The following COL14A1 variants were observed in gnomAD, a reference collection of about 807,000 sequenced individuals.
COL14A1 encodes collagen alpha-1(XIV) chain.
A neutral mutation model predicts 230.3 loss-of-function variants in COL14A1; 136 were observed. The ratio of observed to expected loss-of-function variants is 0.59; its 90% confidence interval spans 0.51 to 0.68. The LOEUF is 0.68. COL14A1 is among the 30% of genes least tolerant of loss of function. COL14A1 has a pLI of 0.00. For missense variants in COL14A1, 1,976 were observed against 2,215.8 expected (o/e 0.89, Z 2.17); for synonymous variants, 792 against 784.1 (o/e 1.01, Z -0.17).
rs1820580756 is a variant in COL14A1, at chr8:120,298,047, T to C, written c.4314+459T>C. ...ATTCTTAAATGACCAAAATTGCTTA[T>C]TGTTGGGATGTGTGTGCTACCTGAG... On this transcript the variant is annotated intron_variant, in intron 35 of 47. Transcript: ENST00000297848. Among the ~76,000 whole-genome samples, 3 of 152,082 alleles carry C rather than the reference T, an allele frequency of 2.0e-5. No homozygotes were observed. The South Asian group carries it at 6.2e-4, about 31-fold the overall frequency.
Position 120,162,509 on chromosome 8 carries a change from G to A in COL14A1, c.289G>A (p.Val97Ile), listed in dbSNP as rs749126221. ...QGLMPDQNYT[V>I]QIIAYNKDKE... ...CCTTATGCCAGACCAGAATTACACA[G>A]TTCAAATTATTGCATACAATAAAGA... Residue 97 changes from valine (V) to isoleucine (I), a missense_variant, in exon 4 of 48, where the codon GTT becomes ATT. Coordinates refer to ENST00000297848, the MANE Select transcript of COL14A1 (RefSeq NM_021110.4). 1 of 1,612,428 alleles carries A rather than the reference G, an allele frequency of 6.2e-7. No individual in the cohort carries two copies. Among genetic ancestry groups the A allele is most frequent in the South Asian group, 1.1e-5 (1 of 90,604 alleles).
chr8:120,349,020 C>G (rs1157263190), intron 45 of COL14A1, among the ~76,000 whole-genome samples: 1 of 152,140 alleles, frequency 6.6e-6, no homozygotes, highest in Non-Finnish European at 1.5e-5. Flanking sequence ...GTGGTTCTCC[C>G]AGCACGCAGC....
chr8:120,226,023 C>G (rs1231136641), intron 15 of COL14A1, among the ~76,000 whole-genome samples: 1 of 150,798 alleles, frequency 6.6e-6, no homozygotes, highest in Non-Finnish European at 1.5e-5. Context: ...ACTCTGACTT[C>G]AAATAATAAA....
chr8:120,265,297 A>C (rs1819469912), intron 24 of COL14A1, among the ~76,000 whole-genome samples: 1 of 152,142 alleles, frequency 6.6e-6, no homozygotes, highest in African/African-American at 2.4e-5. Flanking sequence ...CATGTTAAAG[A>C]AGATGCACAA....
intron 45 of COL14A1, among the ~76,000 whole-genome samples, chr8:120,346,458 A>C (rs6982921): frequency 2.0e-5 from 3 of 152,030 alleles, no homozygotes; most frequent in African/African-American, 7.2e-5. Flanking sequence ...ACTTTTACCT[A>C]TCTGCTCTGT....
intron 2 of COL14A1, among the ~76,000 whole-genome samples, chr8:120,155,478 A>G (rs1260904709): frequency 6.6e-6 from 1 of 152,190 alleles, no homozygotes; most frequent in African/African-American, 2.4e-5. Flanking sequence ...GAATAGTAGC[A>G]TGGATAGAAA....
intron 4 of COL14A1, among the ~76,000 whole-genome samples, chr8:120,166,031 C>T (rs1355021156): frequency 6.6e-6 from 1 of 152,164 alleles, no homozygotes; most frequent in Admixed American, 6.5e-5. Flanking sequence ...TCTGCATAGT[C>T]CCTGCAGAGA....
Position 120,159,717 on chromosome 8 carries a change from T to C in COL14A1, c.205+1471T>C, listed in dbSNP as rs145384449. ...ATTTTTTAAATTTTTTGAGACTGAG[T>C]TTCGCTCTTTGTTGCCCAGGCTGGA... On this transcript the variant is annotated intron_variant, in intron 3 of 47. Transcript: ENST00000297848. Among the ~76,000 whole-genome samples, 1,505 of 152,182 alleles carry C rather than the reference T, an allele frequency of 9.9e-3. 23 individuals are homozygous for C. Among genetic ancestry groups the C allele is most frequent in the African/African-American group, 0.034 (1,405 of 41,526 alleles).
intron 42 of COL14A1, among the ~76,000 whole-genome samples, chr8:120,340,070 T>C (rs967474097): frequency 1.4e-5 from 2 of 139,082 alleles, no homozygotes; most frequent in African/African-American, 5.5e-5. Context: ...TGTGTGGGTG[T>C]GTATGTGTGT....
At chr8:120,291,047 T>C (rs1820360127) in intron 34 of COL14A1, among the ~76,000 whole-genome samples, 1 of 152,178 alleles carries the variant, frequency 6.6e-6, no homozygotes, top group Non-Finnish European at 1.5e-5. Context: ...AAGAGACTTT[T>C]GGGAATGTTT....
intron 42 of COL14A1, among the ~76,000 whole-genome samples, chr8:120,335,877 G>A (rs1352829412): frequency 6.6e-6 from 1 of 152,184 alleles, no homozygotes; most frequent in Non-Finnish European, 1.5e-5. Flanking sequence ...CATGTGTTCA[G>A]CCAGGTAGAC....
chr8:120,136,364 C>G (rs1048291628), intron 1 of COL14A1, among the ~76,000 whole-genome samples: 1 of 104,358 alleles, frequency 9.6e-6, no homozygotes, highest in African/African-American at 4.4e-5. Flanking sequence ...ATTTAGATTA[C>G]ACGCACACAC....
At chr8:120,234,569 A>G (rs920546497) in intron 19 of COL14A1, among the ~76,000 whole-genome samples, 7 of 152,058 alleles carry the variant, frequency 4.6e-5, no homozygotes, top group Non-Finnish European at 2.9e-5. Context: ...TATTGAGATA[A>G]TCATGTGGTT....
intron 6 of COL14A1, 91 bp from the exon 7 acceptor site, chr8:120,197,720 G>A (rs908547508): frequency 7.1e-7 from 1 of 1,409,120 alleles, no homozygotes; most frequent in Admixed American, 2.2e-5. Context: ...TTGCAAAGAT[G>A]AGGCCTTTCG....
intron 3 of COL14A1, among the ~76,000 whole-genome samples, chr8:120,160,448 C>G (rs1815626137): frequency 6.6e-6 from 1 of 152,152 alleles, no homozygotes; most frequent in Non-Finnish European, 1.5e-5. Flanking sequence ...GTAGAAGTGA[C>G]TTGGGTAGCC....
intron 5 of COL14A1, among the ~76,000 whole-genome samples, chr8:120,172,437 C>T (rs1219729490): frequency 6.6e-6 from 1 of 152,148 alleles, no homozygotes; most frequent in Non-Finnish European, 1.5e-5. Context: ...AGGCATGAGC[C>T]ACCGCAGCCG....
chr8:120,315,826 AG>A, intron 39 of COL14A1, 117 bp from the exon 40 acceptor site: 3 of 1,050,690 alleles, frequency 2.9e-6, no homozygotes, highest in South Asian at 1.4e-5. Flanking sequence ...TAGGTTACAA[AG>A]GGTTCACCAT....
At chr8:120,220,691 C>T (rs959979036) in intron 14 of COL14A1, among the ~76,000 whole-genome samples, 9 of 152,130 alleles carry the variant, frequency 5.9e-5, no homozygotes, top group Non-Finnish European at 1.0e-4. Flanking sequence ...TACCCCTCTC[C>T]CCAACTTTTT....
chr8:120,209,782 C>G lies in COL14A1; in HGVS notation c.1348C>G (p.Leu450Val), dbSNP rs201146980. ...TGCTTTACCGATGGCTTCTGACCTT[C>G]TACTGTACGACGTGACTGAGAACAG... ...TLALPMASDL[L>V]LYDVTENSMR... is the part of the protein sequence containing the mutation. Residue 450 changes from leucine to valine, a missense_variant, in exon 12 of 48, where the codon CTA becomes GTA. By Grantham distance (32) the Leu-to-Val change is conservative. Coordinates refer to ENST00000297848, the MANE Select transcript of COL14A1 (RefSeq NM_021110.4). The G allele has an allele frequency of 3.8e-4, 612 of 1,613,324 alleles. 2 individuals carry two copies. The highest frequency in any genetic ancestry group is 1.0e-4 in the Non-Finnish European group (119 of 1,179,668).
Sources: gnomAD v4.1 joint callset for allele counts (sites outside exome capture counted in the v4.1 genomes callset) on GRCh38, gnomAD v4.1.1 for gene constraint, MANE v1.5 for transcripts, NCBI Gene and HGNC (gene_info 2026-07-23, HGNC 2026-07-21) for gene names.